Variants in CDH12 observed in about 807,000 individuals in gnomAD.
CDH12 encodes cadherin-12.
CDH12 carries 41 observed loss-of-function variants against 74.1 expected under a neutral mutation model. The observed-to-expected ratio is 0.55, with a 90% CI of 0.43 to 0.72. CDH12 has a LOEUF of 0.72. Among genes scored for constraint, CDH12 ranks in the 30% least tolerant of loss-of-function variants. CDH12 has a pLI of 0.00. For missense variants in CDH12, 945 were observed against 977.2 expected (o/e 0.97, Z 0.44); for synonymous variants, 399 against 355.0 (o/e 1.12, Z -1.39).
chr5:22,032,463 G>GAA (rs1403661984), intron 5 of CDH12, among the ~76,000 whole-genome samples: 1 of 151,816 alleles, frequency 6.6e-6, no homozygotes, highest in Non-Finnish European at 1.5e-5. Flanking sequence ...TATAATCCCA[G>GAA]AACTTTGGAA....
chr5:22,113,418 C>A (rs1011733644), intron 4 of CDH12, among the ~76,000 whole-genome samples: 1 of 152,118 alleles, frequency 6.6e-6, no homozygotes, highest in Non-Finnish European at 1.5e-5. Context: ...TCTCCATGAT[C>A]TTTCATCTTA....
At chr5:21,961,867 A>G (rs1037271111) in intron 6 of CDH12, among the ~76,000 whole-genome samples, 1 of 152,092 alleles carries the variant, frequency 6.6e-6, no homozygotes, top group Non-Finnish European at 1.5e-5. Context: ...GGAAACTAAT[A>G]TAAATGTTCA....
chr5:22,148,895 C>T (rs1303031494), intron 4 of CDH12, among the ~76,000 whole-genome samples: 3 of 152,106 alleles, frequency 2.0e-5, no homozygotes, highest in African/African-American at 4.8e-5. Flanking sequence ...CCGAGGCATG[C>T]GGAACACGAG....
At chr5:22,822,151 A>C (rs991117730) in intron 1 of CDH12, among the ~76,000 whole-genome samples, 7 of 151,598 alleles carry the variant, frequency 4.6e-5, no homozygotes, top group Non-Finnish European at 3.0e-5. Context: ...CTATTTAATA[A>C]ATGGTGCTGG....
intron 3 of CDH12, among the ~76,000 whole-genome samples, chr5:22,220,898 T>C (rs1751991302): frequency 6.6e-6 from 1 of 151,624 alleles, no homozygotes; most frequent in African/African-American, 2.4e-5. Flanking sequence ...TCTATCAAAA[T>C]GGGTACAAAC....
chr5:22,058,245 C>T (rs535937832), intron 5 of CDH12, among the ~76,000 whole-genome samples: 46 of 151,926 alleles, frequency 3.0e-4, no homozygotes, highest in Admixed American at 5.3e-4. Context: ...TTAGTAGAGA[C>T]GGGGCTTCAC....
chr5:22,009,633 T>C (rs1344864294), intron 5 of CDH12, among the ~76,000 whole-genome samples: 6 of 152,144 alleles, frequency 3.9e-5, no homozygotes, highest in South Asian at 2.1e-4. Flanking sequence ...TAAAAATAAA[T>C]AAATCATTAA....
At chr5:22,502,655 CACACAG>C (rs200839558) in intron 2 of CDH12, among the ~76,000 whole-genome samples, 2 of 138,884 alleles carry the variant, frequency 1.4e-5, no homozygotes, top group East Asian at 2.5e-4. Flanking sequence ...CACACACGCA[CACACAG>C]ACACACACAC....
chr5:21,807,878 C>T (rs1747521744), intron 9 of CDH12, among the ~76,000 whole-genome samples: 1 of 152,032 alleles, frequency 6.6e-6, no homozygotes, highest in Non-Finnish European at 1.5e-5. Flanking sequence ...GGTCCCTAAT[C>T]ACTTGACATT....
chr5:22,576,267 C>T (rs1180850538), intron 1 of CDH12, among the ~76,000 whole-genome samples: 2 of 152,164 alleles, frequency 1.3e-5, no homozygotes, highest in East Asian at 3.9e-4. Context: ...GGCTTCTGAA[C>T]ATCACCCCTG....
At chr5:22,432,656 C>T (rs1273898900) in intron 2 of CDH12, among the ~76,000 whole-genome samples, 3 of 152,028 alleles carry the variant, frequency 2.0e-5, no homozygotes, top group Non-Finnish European at 2.9e-5. Context: ...TGGCAGCCTT[C>T]TTTAGAAGAC....
chr5:21,786,605 C>A (rs1358857285), intron 10 of CDH12, among the ~76,000 whole-genome samples: 1 of 152,088 alleles, frequency 6.6e-6, no homozygotes, highest in Non-Finnish European at 1.5e-5. Flanking sequence ...TCATGACTGC[C>A]AACAGAACAT....
chr5:22,337,568 G>A (rs1162216469), intron 3 of CDH12, among the ~76,000 whole-genome samples: 2 of 152,112 alleles, frequency 1.3e-5, no homozygotes, highest in African/African-American at 4.8e-5. Flanking sequence ...GAGTTTCCCT[G>A]CACAATCTCT....
At chr5:22,414,734 T>C (rs1258122528) in intron 2 of CDH12, among the ~76,000 whole-genome samples, 1 of 151,880 alleles carries the variant, frequency 6.6e-6, no homozygotes, top group Non-Finnish European at 1.5e-5. Flanking sequence ...TCAACCATAA[T>C]TATTATATTT....
At chr5:22,619,775 C>T (rs535685498) in intron 1 of CDH12, among the ~76,000 whole-genome samples, 1 of 151,830 alleles carries the variant, frequency 6.6e-6, no homozygotes, top group African/African-American at 2.4e-5. Context: ...ATGCTTCCCC[C>T]AGCGAATGTG....
chr5:22,851,194 C>T (rs1737540732), intron 1 of CDH12, among the ~76,000 whole-genome samples: 1 of 152,008 alleles, frequency 6.6e-6, no homozygotes, highest in African/African-American at 2.4e-5. Context: ...GACTCACACT[C>T]CCTCCCCCTC....
chr5:22,434,050 C>T (rs1224943248), intron 2 of CDH12, among the ~76,000 whole-genome samples: 1 of 152,120 alleles, frequency 6.6e-6, no homozygotes, highest in Non-Finnish European at 1.5e-5. Context: ...CCACACATGA[C>T]TTTTATATGG....
chr5:22,326,403 T>A (rs1739106900), intron 3 of CDH12, among the ~76,000 whole-genome samples: 1 of 152,156 alleles, frequency 6.6e-6, no homozygotes, highest in South Asian at 2.1e-4. Context: ...GCCGGGCTAG[T>A]TTTTTGTATT....
chr5:22,520,991 C>CT lies in CDH12; in HGVS notation c.-522-15628dup, dbSNP rs35764441. Among the ~76,000 whole-genome samples, 440 of 145,090 alleles carry CT rather than the reference C, an allele frequency of 3.0e-3. 4 individuals are homozygous for CT. The highest frequency in any genetic ancestry group is 7.8e-3 in the African/African-American group (309 of 39,806). ...GCTTGCTCCCCTTCTTTCTTTCTTT[C>CT]TTTTTTTTTTTGTCTTAGTAAAGCG... On this transcript the variant is annotated intron_variant, in intron 1 of 14. Coordinates refer to ENST00000382254, the MANE Select transcript of CDH12 (RefSeq NM_004061.5).
Sources: allele counts gnomAD v4.1 joint callset (sites outside exome capture counted in the v4.1 genomes callset), GRCh38; gene constraint gnomAD v4.1.1; transcripts MANE v1.5; gene names NCBI Gene and HGNC (gene_info 2026-07-23, HGNC 2026-07-21).